The following TSPEAR variants were observed in gnomAD, a reference collection of about 807,000 sequenced individuals.
The protein encoded by TSPEAR is thrombospondin type laminin G domain and EAR repeats.
In TSPEAR, 69 loss-of-function variants were observed where a neutral mutation model predicts 71.6. That is an observed-to-expected ratio of 0.96 (90% CI 0.79 to 1.18). The LOEUF is 1.18. TSPEAR is among the 50% of genes most tolerant of loss of function. The probability of loss-of-function intolerance (pLI) is 0.00; values close to 1 mark genes in which losing one functional copy is unlikely to be tolerated. For missense variants in TSPEAR, 971 were observed against 894.9 expected, an observed-to-expected ratio of 1.09 and a Z score of -1.09; for synonymous variants, 402 against 387.2, an observed-to-expected ratio of 1.04 and a Z score of -0.45.
intron 9 of TSPEAR, among the ~76,000 whole-genome samples, chr21:44,521,251 T>C (rs587604666): frequency 4.3e-4 from 66 of 152,316 alleles, no homozygotes; most frequent in African/African-American, 1.5e-3. Flanking sequence ...CGCCCCCACC[T>C]GTCTCGTACT....
At chr21:44,503,370 C>G (rs1302343647) in intron 11 of TSPEAR, among the ~76,000 whole-genome samples, 2 of 127,920 alleles carry the variant, frequency 1.6e-5, no homozygotes, top group African/African-American at 6.0e-5. Context: ...GGAAGCCGGC[C>G]TCGGTGAGCC....
chr21:44,638,098 T>G (rs778340453), intron 1 of TSPEAR: 6 of 1,613,382 alleles, frequency 3.7e-6, no homozygotes, highest in South Asian at 1.1e-5. Context: ...CCTCCTGTGT[T>G]TCCCTCCTCT....
chr21:44,646,541 AG>A (rs1555939779), intron 1 of TSPEAR: 11 of 1,612,354 alleles, frequency 6.8e-6, no homozygotes, highest in Non-Finnish European at 9.3e-6. Context: ...AGCTGCTGTG[AG>A]CCCCCCTGCA....
intron 2 of TSPEAR, among the ~76,000 whole-genome samples, chr21:44,549,470 G>A (rs1204753238): frequency 6.6e-6 from 1 of 152,206 alleles, no homozygotes; most frequent in African/African-American, 2.4e-5. Context: ...TGTACACCTT[G>A]CTGAAGAAAA....
rs587735449 is a variant in TSPEAR, at chr21:44,630,079, C to T, written c.83-62074G>A. Among the ~76,000 whole-genome samples the T allele has an allele frequency of 6.3e-4, 96 of 152,294 alleles. 2 individuals are homozygous for T. Among genetic ancestry groups the T allele is most frequent in the African/African-American group, 2.2e-3 (92 of 41,560 alleles). On this transcript the variant is annotated intron_variant, in intron 1 of 11. Coordinates refer to ENST00000323084, the MANE Select transcript of TSPEAR (RefSeq NM_144991.3). ...ACACACTCACAGTGATAGAAACCAA[C>T]TCAGGATTTAGGAATGGGAGTTCTT...
chr21:44,545,329 T>C (rs1555917644), intron 2 of TSPEAR, among the ~76,000 whole-genome samples: 1 of 151,020 alleles, frequency 6.6e-6, no homozygotes, highest in African/African-American at 2.4e-5. Context: ...AAAAAAAAAT[T>C]GATTAATTAA....
intron 8 of TSPEAR, 40 bp downstream of exon 8, chr21:44,525,613 G>C: frequency 6.2e-7 from 1 of 1,601,886 alleles, no homozygotes; most frequent in Non-Finnish European, 8.5e-7. Context: ...TCTGCCCCTG[G>C]AATGGTTGCC....
chr21:44,553,178 G>A (rs1362454858), intron 2 of TSPEAR, among the ~76,000 whole-genome samples: 1 of 152,216 alleles, frequency 6.6e-6, no homozygotes, highest in Non-Finnish European at 1.5e-5. Context: ...ACTGAATTTC[G>A]GCATTAACTT....
intron 1 of TSPEAR, among the ~76,000 whole-genome samples, chr21:44,672,345 C>T (rs1407368239): frequency 4.6e-5 from 7 of 152,032 alleles, no homozygotes; most frequent in South Asian, 2.1e-4. Context: ...CTAAGGCGGG[C>T]GGATCACAAG....
rs377667636 is a variant in TSPEAR at position 44,696,545 on chromosome 21, A to T, written c.82+14888T>A. ...TTGCTCAGAATACTTCCTGACACAC[A>T]GCAAGACCTATCACATGACTGTTTG... On this transcript the variant is annotated intron_variant, in intron 1 of 11. Coordinates refer to ENST00000323084, the MANE Select transcript of TSPEAR (RefSeq NM_144991.3). Among the ~76,000 whole-genome samples the T allele has an allele frequency of 3.3e-5, 5 of 152,268 alleles. No individual in the cohort carries two copies. The East Asian group carries it at 5.8e-4, about 18-fold the overall frequency.
chr21:44,579,612 G>A, intron 1 of TSPEAR: 1 of 1,008,172 alleles, frequency 9.9e-7, no homozygotes, highest in Admixed American at 2.7e-5. Context: ...GAGCTTCGAG[G>A]ATGGAGATTC....
rs1334379285 is a variant in TSPEAR, at chr21:44,527,343, G to A, written c.1098C>T (p.Asn366=). Residue 366 remains asparagine, a synonymous_variant, in exon 7 of 12, where the codon AAC becomes AAT. Coordinates refer to ENST00000323084, the MANE Select transcript of TSPEAR (RefSeq NM_144991.3). Reference sequence around the variant, plus strand: ...AGGCCTGTGCTTGGTGCGTGGGGATGTTCTGATATGAGACGAACTTCTCTT... The same window carrying A: ...AGGCCTGTGCTTGGTGCGTGGGGATATTCTGATATGAGACGAACTTCTCTT... ...WTEEKFVSYQ[N]IPTHQAQAWR... 5 of 1,614,096 alleles carry A rather than the reference G, an allele frequency of 3.1e-6. No homozygotes were observed. The highest frequency in any genetic ancestry group is 4.2e-6 in the Non-Finnish European group (5 of 1,180,050).
intron 1 of TSPEAR, among the ~76,000 whole-genome samples, chr21:44,635,080 C>T (rs988022058): frequency 1.3e-5 from 2 of 152,156 alleles, no homozygotes; most frequent in Admixed American, 6.6e-5. Flanking sequence ...CGCAGTGGCT[C>T]ATGCCTGTAA....
At chr21:44,658,367 C>A in intron 1 of TSPEAR, 1 of 1,216,630 alleles carries the variant, frequency 8.2e-7, no homozygotes, top group Non-Finnish European at 1.2e-6. Context: ...AGATGAAAAG[C>A]ATGCCCAAGG....
chr21:44,704,404 T>G (rs1276856432), intron 1 of TSPEAR, among the ~76,000 whole-genome samples: 1 of 152,122 alleles, frequency 6.6e-6, no homozygotes, highest in East Asian at 1.9e-4. Flanking sequence ...TCTAGCCAAG[T>G]CCACCCCCAA....
chr21:44,527,383 A>G lies in TSPEAR; in HGVS notation c.1058T>C (p.Val353Ala), dbSNP rs2052878761. 6.2e-7 allele frequency: 1 copy of G among 1,614,162 alleles called. No homozygotes were observed. Among genetic ancestry groups the G allele is most frequent in the Non-Finnish European group, 8.5e-7 (1 of 1,180,044 alleles). ...ATANRKATSA[V>A]YKWTEEKFVS... is the part of the protein sequence containing the mutation. ...GAACTTCTCTTCGGTCCACTTGTAG[A>G]CGGCGGATGTGGCTTTGCGATTGGC... is the stretch of plus-strand genomic sequence containing the variant. The change falls in exon 7 of 12, where the codon GTC becomes GCC. Residue 353 changes from valine to alanine, a missense_variant. By Grantham distance (64) the Val-to-Ala change is moderately conservative. Transcript: ENST00000323084.
chr21:44,588,528 A>G (rs1161086804), intron 1 of TSPEAR, among the ~76,000 whole-genome samples: 1 of 152,130 alleles, frequency 6.6e-6, no homozygotes, highest in Non-Finnish European at 1.5e-5. Context: ...ACTACTGGGT[A>G]TCTACCCGGA....
At chr21:44,552,021 A>T (rs2053450390) in intron 2 of TSPEAR, among the ~76,000 whole-genome samples, 1 of 152,198 alleles carries the variant, frequency 6.6e-6, no homozygotes, top group Admixed American at 6.5e-5. Context: ...GAGGACAGGG[A>T]GGACCTCCCC....
chr21:44,681,340 G>A (rs1883043), intron 1 of TSPEAR, among the ~76,000 whole-genome samples: 101,693 of 152,018 alleles, frequency 0.67, 34,417 homozygotes, highest in African/African-American at 0.76. Flanking sequence ...GTGGGGAAGC[G>A]AGGCCACTCC....
Sources: gnomAD v4.1 joint callset for allele counts (sites outside exome capture counted in the v4.1 genomes callset) on GRCh38, gnomAD v4.1.1 for gene constraint, MANE v1.5 for transcripts, NCBI Gene and HGNC (gene_info 2026-07-23, HGNC 2026-07-21) for gene names.